SUGCT: variants seen among roughly 807,000 people sequenced by gnomAD.
SUGCT encodes succinyl-CoA:glutarate-CoA transferase, also known as succinyl-CoA:glutarate CoA-transferase.
A neutral mutation model predicts 55.0 loss-of-function variants in SUGCT; 41 were observed. The ratio of observed to expected loss-of-function variants is 0.74; its 90% confidence interval spans 0.58 to 0.97. SUGCT has a LOEUF of 0.97. Ranked by LOEUF, SUGCT falls within the 50% of genes least tolerant of loss-of-function variation. The pLI, the probability that SUGCT is intolerant of heterozygous loss-of-function variation, is 0.00. For synonymous variants in SUGCT, 187 were observed against 200.4 expected, an observed-to-expected ratio of 0.93 and a Z score of 0.56; for missense variants, 568 against 547.8, an observed-to-expected ratio of 1.04 and a Z score of -0.37.
At chr7:40,702,521 T>A (rs1177422955) in intron 12 of SUGCT, among the ~76,000 whole-genome samples, 1 of 152,238 alleles carries the variant, frequency 6.6e-6, no homozygotes, top group Non-Finnish European at 1.5e-5. Context: ...TGCCTTTTCC[T>A]CCTTCGTGTG....
intron 9 of SUGCT, among the ~76,000 whole-genome samples, chr7:40,352,745 G>A (rs766639001): frequency 8.5e-5 from 13 of 152,228 alleles, no homozygotes; most frequent in South Asian, 2.1e-4. Context: ...ATACGCGTGC[G>A]TGTGTCTTTA....
At chr7:40,793,281 C>CCTAG (rs1247677869) in intron 13 of SUGCT, 4 of 152,052 alleles carry the variant, frequency 2.6e-5, no homozygotes, top group African/African-American at 9.7e-5. Flanking sequence ...TACTCCTGTC[C>CCTAG]CTAGAGACTG....
chr7:40,652,534 A>G (rs1392580979), intron 12 of SUGCT, among the ~76,000 whole-genome samples: 1 of 152,198 alleles, frequency 6.6e-6, no homozygotes, highest in African/African-American at 2.4e-5. Context: ...CTGTGTCTGA[A>G]AATAGAATGG....
chr7:40,690,676 TTCCCA>T (rs1353470209), intron 12 of SUGCT, among the ~76,000 whole-genome samples: 1 of 152,056 alleles, frequency 6.6e-6, no homozygotes, highest in African/African-American at 2.4e-5. Flanking sequence ...TCAGATGATC[TTCCCA>T]CCTCAGCCTC....
At chr7:40,189,398 C>CTTTTTTTTTTTTTTTTTTTT (rs771275549) in intron 4 of SUGCT, 146 bp from the exon 5 acceptor site, 13 of 143,882 alleles carry the variant, frequency 9.0e-5, no homozygotes, top group East Asian at 3.1e-4. Flanking sequence ...AATACACATA[C>CTTTTTTTTTTTTTTTTTTTT]TTTTTTTTTT....
chr7:40,434,518 A>G (rs1384329262), intron 9 of SUGCT, among the ~76,000 whole-genome samples: 1 of 152,184 alleles, frequency 6.6e-6, no homozygotes, highest in Non-Finnish European at 1.5e-5. Flanking sequence ...AACTTAAACC[A>G]TGCTCATGTC....
chr7:40,209,522 C>T (rs1332386407), intron 6 of SUGCT, among the ~76,000 whole-genome samples: 1 of 140,740 alleles, frequency 7.1e-6, no homozygotes, highest in Non-Finnish European at 1.5e-5. Flanking sequence ...ACATGCCGGG[C>T]ACGGTGGCAC....
intron 12 of SUGCT, among the ~76,000 whole-genome samples, chr7:40,738,952 A>G (rs1458482203): frequency 2.6e-5 from 4 of 152,210 alleles, no homozygotes; most frequent in Non-Finnish European, 5.9e-5. Context: ...CTATTCATCA[A>G]TATATTTCTA....
chr7:40,280,518 C>A (rs10951630), intron 8 of SUGCT, among the ~76,000 whole-genome samples: 54,380 of 151,830 alleles, frequency 0.36, 9,996 homozygotes, highest in East Asian at 0.46. Flanking sequence ...GTTTTTTTAG[C>A]ACCATAATTA....
chr7:40,196,256 G>A (rs1786284685), intron 6 of SUGCT, among the ~76,000 whole-genome samples: 2 of 152,180 alleles, frequency 1.3e-5, no homozygotes. Flanking sequence ...GGATGCGATA[G>A]AGAAAAGTGA....
chr7:41,009,444 G>A, the SUGCT span, among the ~76,000 whole-genome samples: 2 of 152,160 alleles, frequency 1.3e-5, no homozygotes, highest in African/African-American at 2.4e-5. Flanking sequence ...GAATCTTCTT[G>A]TGAATTTGGT....
intron 9 of SUGCT, among the ~76,000 whole-genome samples, chr7:40,338,258 G>A (rs1384180221): frequency 6.6e-6 from 1 of 152,028 alleles, no homozygotes; most frequent in African/African-American, 2.4e-5. Flanking sequence ...GTATCTTTGT[G>A]GCATTCTCTG....
chr7:40,986,864 G>T, the SUGCT span, among the ~76,000 whole-genome samples: 2 of 152,034 alleles, frequency 1.3e-5, no homozygotes, highest in Non-Finnish European at 2.9e-5. Flanking sequence ...GCTAAGTCAG[G>T]ATCCTCCAGC....
chr7:40,286,706 C>G (rs1196242923), intron 8 of SUGCT, among the ~76,000 whole-genome samples: 1 of 152,188 alleles, frequency 6.6e-6, no homozygotes, highest in African/African-American at 2.4e-5. Context: ...GGTACTAAAT[C>G]TGGCCATTTC....
At chr7:40,419,811 A>G (rs1276009797) in intron 9 of SUGCT, among the ~76,000 whole-genome samples, 1 of 152,206 alleles carries the variant, frequency 6.6e-6, no homozygotes, top group Non-Finnish European at 1.5e-5. Flanking sequence ...CAGTATCACA[A>G]GAATGGTTAA....
intron 12 of SUGCT, among the ~76,000 whole-genome samples, chr7:40,612,163 T>C (rs1032667265): frequency 9.2e-5 from 14 of 152,328 alleles, no homozygotes; most frequent in African/African-American, 3.4e-4. Context: ...GTACTTTATA[T>C]CTGCGAGAAC....
intron 9 of SUGCT, among the ~76,000 whole-genome samples, chr7:40,383,158 A>G (rs1391022359): frequency 5.9e-5 from 9 of 152,178 alleles, no homozygotes; most frequent in Admixed American, 5.9e-4. Flanking sequence ...AGATAGACTA[A>G]GAGTTACTGA....
At chr7:40,458,152 G>A (rs1331535472) in intron 10 of SUGCT, among the ~76,000 whole-genome samples, 1 of 152,078 alleles carries the variant, frequency 6.6e-6, no homozygotes, top group Non-Finnish European at 1.5e-5. Context: ...TTTAAACTGT[G>A]GCAAATAAAT....
intron 12 of SUGCT, among the ~76,000 whole-genome samples, chr7:40,746,040 A>G (rs1473619073): frequency 6.6e-6 from 1 of 152,220 alleles, no homozygotes; most frequent in African/African-American, 2.4e-5. Flanking sequence ...TGTTATACAA[A>G]TGGTGATAAC....
Sources: allele counts gnomAD v4.1 joint callset (sites outside exome capture counted in the v4.1 genomes callset), GRCh38; gene constraint gnomAD v4.1.1; transcripts MANE v1.5; gene names NCBI Gene and HGNC (gene_info 2026-07-23, HGNC 2026-07-21).